NBAS: variants seen among roughly 807,000 people sequenced by gnomAD.
The protein encoded by NBAS is NBAS subunit of NRZ tethering complex.
NBAS carries 219 observed loss-of-function variants against 302.5 expected under a neutral mutation model. That is an observed-to-expected ratio of 0.72 (90% CI 0.65 to 0.81). NBAS has a LOEUF of 0.81. Among genes scored for constraint, NBAS ranks in the 30% least tolerant of loss-of-function variants. NBAS has a pLI of 0.00. For synonymous variants in NBAS, 1,118 were observed against 1,021.6 expected (o/e 1.09, Z -1.80); for missense variants, 2,932 against 2,841.6 (o/e 1.03, Z -0.72).
At chr2:15,544,031 T>C (rs1233576283) in intron 6 of NBAS, among the ~76,000 whole-genome samples, 1 of 152,144 alleles carries the variant, frequency 6.6e-6, no homozygotes, top group Non-Finnish European at 1.5e-5. Flanking sequence ...TGAGCAAGGA[T>C]TTAAAAATAA....
intron 44 of NBAS, among the ~76,000 whole-genome samples, chr2:15,241,499 A>C (rs1407061845): frequency 6.6e-6 from 1 of 152,194 alleles, no homozygotes; most frequent in Non-Finnish European, 1.5e-5. Flanking sequence ...AGAACAATAC[A>C]TTCAGAAAAG....
chr2:14,889,129 A>G, the NBAS span, among the ~76,000 whole-genome samples: 1 of 152,358 alleles, frequency 6.6e-6, no homozygotes, highest in East Asian at 1.9e-4. Flanking sequence ...CCACTCTTTC[A>G]GTCCCTAAGA....
chr2:15,225,936 T>C (rs1667134706), intron 47 of NBAS, among the ~76,000 whole-genome samples: 1 of 152,216 alleles, frequency 6.6e-6, no homozygotes, highest in Non-Finnish European at 1.5e-5. Context: ...AAGACCTTGC[T>C]ACTCAAAGTT....
the NBAS span, among the ~76,000 whole-genome samples, chr2:14,971,340 C>T: frequency 1.3e-5 from 2 of 152,104 alleles, no homozygotes; most frequent in Admixed American, 1.3e-4. Flanking sequence ...CATGGTGAAA[C>T]CCCGTCTCTA....
At chr2:15,458,678 T>A (rs1679358320) in intron 21 of NBAS, among the ~76,000 whole-genome samples, 1 of 152,238 alleles carries the variant, frequency 6.6e-6, no homozygotes, top group Admixed American at 6.5e-5. Context: ...CTTTATAAAT[T>A]ACCCAGCCTC....
the NBAS span, among the ~76,000 whole-genome samples, chr2:15,077,535 G>T: frequency 2.0e-5 from 3 of 152,146 alleles, no homozygotes; most frequent in African/African-American, 7.2e-5. Context: ...GTTCAGTTGG[G>T]AACACAGAAA....
chr2:15,062,027 C>G, the NBAS span, among the ~76,000 whole-genome samples: 74,818 of 152,020 alleles, frequency 0.49, 20,673 homozygotes, highest in African/African-American at 0.77. Flanking sequence ...CTTCCAGATT[C>G]TTAAAAGGAG....
chr2:15,275,223 A>G (rs1669517320), intron 44 of NBAS, among the ~76,000 whole-genome samples: 1 of 152,230 alleles, frequency 6.6e-6, no homozygotes, highest in Non-Finnish European at 1.5e-5. Flanking sequence ...CTATAAAGTG[A>G]CATGAGAACT....
the NBAS span, among the ~76,000 whole-genome samples, chr2:15,081,383 C>T: frequency 2.0e-5 from 3 of 152,186 alleles, no homozygotes; most frequent in African/African-American, 7.2e-5. Context: ...TATGGATCTC[C>T]TCACTCTTCA....
At chr2:15,271,530 G>A (rs1669323761) in intron 44 of NBAS, among the ~76,000 whole-genome samples, 1 of 152,190 alleles carries the variant, frequency 6.6e-6, no homozygotes, top group Middle Eastern at 3.2e-3. Flanking sequence ...TCCAGGTTGA[G>A]TAACACTGGG....
chr2:15,156,193 G>A, the NBAS span, among the ~76,000 whole-genome samples: 1 of 152,150 alleles, frequency 6.6e-6, no homozygotes, highest in African/African-American at 2.4e-5. Context: ...GACAAAGACG[G>A]CATTGTTTGT....
chr2:15,475,903 A>G, intron 13 of NBAS, 23 bp from the exon 14 acceptor site: 1 of 1,564,092 alleles, frequency 6.4e-7, no homozygotes, highest in East Asian at 2.2e-5. Context: ...AAACAAATCA[A>G]TACAAATGCA....
At chr2:14,843,812 C>T in the NBAS span, among the ~76,000 whole-genome samples, 1 of 152,154 alleles carries the variant, frequency 6.6e-6, no homozygotes, top group Non-Finnish European at 1.5e-5. Context: ...GCTGCCCTAT[C>T]ACAGCGGAAA....
At chr2:15,427,951 T>C (rs1392252227) in intron 21 of NBAS, among the ~76,000 whole-genome samples, 157 bp from the exon 22 acceptor site, 2 of 152,122 alleles carry the variant, frequency 1.3e-5, no homozygotes, top group Admixed American at 6.6e-5. Flanking sequence ...ATATACATAC[T>C]ATATAAATGG....
chr2:15,025,720 T>C, the NBAS span, among the ~76,000 whole-genome samples: 1 of 152,166 alleles, frequency 6.6e-6, no homozygotes, highest in African/African-American at 2.4e-5. Flanking sequence ...ACTCATTTTG[T>C]GACAATTCTG....
chr2:15,298,935 C>T (rs1305187046), intron 40 of NBAS, among the ~76,000 whole-genome samples: 1 of 152,162 alleles, frequency 6.6e-6, no homozygotes, highest in Non-Finnish European at 1.5e-5. Context: ...ACCTGGCTTC[C>T]CACCCGCTTG....
At chr2:14,983,947 A>G in the NBAS span, among the ~76,000 whole-genome samples, 4 of 152,194 alleles carry the variant, frequency 2.6e-5, no homozygotes, top group Admixed American at 1.3e-4. Context: ...TCCGCGATTC[A>G]TTGAACATAA....
At chr2:15,177,192 C>T (rs1433922480) in intron 51 of NBAS, among the ~76,000 whole-genome samples, 1 of 152,210 alleles carries the variant, frequency 6.6e-6, no homozygotes, top group African/African-American at 2.4e-5. Context: ...AGGCAAACTA[C>T]TCACAGTCTG....
the NBAS span, among the ~76,000 whole-genome samples, chr2:15,115,091 G>A: frequency 2.3e-4 from 35 of 152,232 alleles, no homozygotes; most frequent in African/African-American, 7.5e-4. Flanking sequence ...TTCCTATTGA[G>A]GCCTGTCTTC....
Sources: allele counts gnomAD v4.1 joint callset (sites outside exome capture counted in the v4.1 genomes callset), GRCh38; gene constraint gnomAD v4.1.1; transcripts MANE v1.5; gene names NCBI Gene and HGNC (gene_info 2026-07-23, HGNC 2026-07-21).